Variants in UNC5D observed in about 807,000 individuals in gnomAD.
UNC5D encodes the protein unc-5 netrin receptor D.
UNC5D carries 39 observed loss-of-function variants against 105.4 expected under a neutral mutation model. That is an observed-to-expected ratio of 0.37 (90% CI 0.29 to 0.48). UNC5D has a LOEUF of 0.48. Among genes scored for constraint, UNC5D ranks in the 20% least tolerant of loss-of-function variants. The pLI is 0.98. For synonymous variants in UNC5D, 452 were observed against 450.4 expected (o/e 1.00, Z -0.04); for missense variants, 991 against 1,202.4 (o/e 0.82, Z 2.60).
At chr8:35,299,353 G>A (rs1244482388) in intron 1 of UNC5D, among the ~76,000 whole-genome samples, 1 of 152,170 alleles carries the variant, frequency 6.6e-6, no homozygotes, top group Non-Finnish European at 1.5e-5. Flanking sequence ...CCTGGAAAGA[G>A]CCTTGCAAGA....
At chr8:35,366,460 T>C (rs988557478) in intron 1 of UNC5D, among the ~76,000 whole-genome samples, 1 of 152,114 alleles carries the variant, frequency 6.6e-6, no homozygotes, top group African/African-American at 2.4e-5. Context: ...GCAGTATTTT[T>C]CTTGACTCTC....
intron 8 of UNC5D, chr8:35,721,395 C>A (rs1029550095): frequency 1.1e-5 from 8 of 702,526 alleles, no homozygotes; most frequent in African/African-American, 8.7e-5. Context: ...GGTGGGGAGG[C>A]ACCCACATTC....
In UNC5D at chr8:35,790,728, T is replaced by C. The variant is rs1803000317; in HGVS notation, c.*165T>C. The C allele has an allele frequency of 5.8e-6, 4 of 691,156 alleles. No homozygotes were observed. The Admixed American group carries it at 1.0e-4, about 18-fold the overall frequency. 42.8% of individuals were successfully genotyped at this position (691,156 alleles called of 1,614,324 possible). A position where few individuals can be genotyped will look rare whatever the true frequency, so the allele number is the denominator to read the frequency against. ...CTAAATTTTATATAGGTAAAACATG[T>C]TAATAGGGAAGAGTACAAGCTCTCT... On this transcript the variant is annotated 3_prime_UTR_variant, in exon 17 of 17. Transcript: ENST00000404895.
chr8:35,268,649 T>G (rs538365848), intron 1 of UNC5D, among the ~76,000 whole-genome samples: 1 of 152,274 alleles, frequency 6.6e-6, no homozygotes, highest in Non-Finnish European at 1.5e-5. Context: ...ATTTTCTGTT[T>G]GGGATATATT....
Position 35,296,850 on chromosome 8 carries a change from C to A in UNC5D, c.103+60963C>A, listed in dbSNP as rs184283990. Among the ~76,000 whole-genome samples the A allele has an allele frequency of 3.9e-5, 6 of 152,296 alleles. No individual in the cohort carries two copies. In the East Asian group the frequency reaches 1.2e-3, roughly 29 times the overall value. On this transcript the variant is annotated intron_variant, in intron 1 of 16. Transcript: ENST00000404895. The stretch of plus-strand genomic sequence containing the variant: ...CACCCCTCTCCCTTATACACAACAC[C>A]ACTCATTGTACTGTGATACCCATAT...
intron 2 of UNC5D, among the ~76,000 whole-genome samples, chr8:35,565,704 T>A (rs1028977920): frequency 1.3e-5 from 2 of 152,214 alleles, no homozygotes; most frequent in Non-Finnish European, 2.9e-5. Context: ...CAGCTTATGG[T>A]CCTACATTCA....
At chr8:35,384,135 G>C (rs569955145) in intron 1 of UNC5D, among the ~76,000 whole-genome samples, 4 of 151,410 alleles carry the variant, frequency 2.6e-5, no homozygotes, top group South Asian at 2.1e-4. Flanking sequence ...AGAATGGCTG[G>C]TGTGAACCTG....
chr8:35,596,821 G>A (rs1294928701), intron 4 of UNC5D, among the ~76,000 whole-genome samples: 1 of 152,176 alleles, frequency 6.6e-6, no homozygotes. Flanking sequence ...ATCTCAGTGA[G>A]CAGAGGGGTG....
chr8:35,309,370 ACAT>A (rs1208253506), intron 1 of UNC5D, among the ~76,000 whole-genome samples: 1 of 152,176 alleles, frequency 6.6e-6, no homozygotes, highest in East Asian at 1.9e-4. Flanking sequence ...TGCCATAGTC[ACAT>A]CATCATTTGC....
chr8:35,312,420 A>C (rs1258963126), intron 1 of UNC5D, among the ~76,000 whole-genome samples: 1 of 152,144 alleles, frequency 6.6e-6, no homozygotes, highest in Non-Finnish European at 1.5e-5. Flanking sequence ...CTCCTTGATG[A>C]CTTTAAAGTT....
intron 1 of UNC5D, among the ~76,000 whole-genome samples, chr8:35,477,020 C>T (rs1354702841): frequency 2.0e-5 from 3 of 152,186 alleles, no homozygotes; most frequent in Non-Finnish European, 4.4e-5. Flanking sequence ...GAATGTTTAG[C>T]ATCATCTGTC....
intron 11 of UNC5D, among the ~76,000 whole-genome samples, chr8:35,739,009 A>G (rs1829612645): frequency 6.6e-6 from 1 of 152,318 alleles, no homozygotes; most frequent in African/African-American, 2.4e-5. Context: ...TACCAGGCAT[A>G]GAGAGAATCA....
At chr8:35,404,254 GA>G (rs948734271) in intron 1 of UNC5D, among the ~76,000 whole-genome samples, 2 of 152,196 alleles carry the variant, frequency 1.3e-5, no homozygotes, top group Non-Finnish European at 2.9e-5. Flanking sequence ...TCAGAAGGAA[GA>G]AGCCTCTTAA....
intron 1 of UNC5D, among the ~76,000 whole-genome samples, chr8:35,398,444 A>G (rs1295279879): frequency 6.6e-6 from 1 of 152,158 alleles, no homozygotes; most frequent in Non-Finnish European, 1.5e-5. Context: ...TGGGCATTAT[A>G]GCCAGCACCC....
At chr8:35,313,247 T>C (rs989359422) in intron 1 of UNC5D, among the ~76,000 whole-genome samples, 3 of 152,218 alleles carry the variant, frequency 2.0e-5, no homozygotes, top group African/African-American at 7.2e-5. Context: ...TTCAAGGAGA[T>C]AGTTCATGGA....
In UNC5D at chr8:35,505,317, G is replaced by A. The variant is rs540015096; in HGVS notation, c.104-43975G>A. On this transcript the variant is annotated intron_variant, in intron 1 of 16. Transcript: ENST00000404895. ...CAAAATAAATGGTCCCCCAAATTAT[G>A]GGATTACTTTGGAGATACGAAAAAG... Among the ~76,000 whole-genome samples the A allele has an allele frequency of 1.1e-4, 17 of 152,338 alleles. No individual in the cohort carries two copies. The South Asian group carries it at 3.5e-3, about 32-fold the overall frequency.
rs1807109274 is a variant in UNC5D at position 35,292,067 on chromosome 8, G to T, written c.103+56180G>T. 2.0e-5 allele frequency among the ~76,000 whole-genome samples: 3 copies of T among 152,296 alleles called. No homozygotes were observed. In the South Asian group the frequency reaches 6.2e-4, roughly 32 times the overall value. On this transcript the variant is annotated intron_variant, in intron 1 of 16. Transcript: ENST00000404895. The stretch of plus-strand genomic sequence containing the variant: ...TTCTAAATAAAGAGATTCACTAATT[G>T]CAAGTTGGCCAGTTTCTTGGGAGAT...
intron 1 of UNC5D, among the ~76,000 whole-genome samples, chr8:35,492,522 G>C (rs976327799): frequency 6.6e-6 from 1 of 152,062 alleles, no homozygotes; most frequent in Non-Finnish European, 1.5e-5. Flanking sequence ...GGGCAAGAAG[G>C]ATTTTTCCTC....
In UNC5D at chr8:35,420,083, G is replaced by T. The variant is rs541289735; in HGVS notation, c.104-129209G>T. On this transcript the variant is annotated intron_variant, in intron 1 of 16. Coordinates refer to ENST00000404895, the MANE Select transcript of UNC5D (RefSeq NM_080872.4). ...AAAAGGCAATCAAAAATCAAAAAAG[G>T]GTTTTCAGCCCTTAAATTGTCTTTG... Among the ~76,000 whole-genome samples the T allele has an allele frequency of 5.9e-5, 9 of 152,220 alleles. No homozygotes were observed. The South Asian group carries it at 1.9e-3, about 32-fold the overall frequency.
Sources: gnomAD v4.1 joint callset for allele counts (sites outside exome capture counted in the v4.1 genomes callset) on GRCh38, gnomAD v4.1.1 for gene constraint, MANE v1.5 for transcripts, NCBI Gene and HGNC (gene_info 2026-07-23, HGNC 2026-07-21) for gene names.